The following NKAIN2 variants were observed in gnomAD, a reference collection of about 807,000 sequenced individuals.
NKAIN2 encodes the protein sodium/potassium-transporting ATPase subunit beta-1-interacting protein 2.
NKAIN2 carries 14 observed loss-of-function variants against 32.6 expected under a neutral mutation model. That is an observed-to-expected ratio of 0.43 (90% confidence interval 0.28 to 0.67). The LOEUF (loss-of-function observed/expected upper bound fraction) is 0.67, where lower values mean the gene tolerates loss of function less well. NKAIN2 is among the 30% of genes least tolerant of loss of function. The pLI is 0.17. For synonymous variants in NKAIN2, 80 were observed against 87.2 expected (o/e 0.92, Z 0.46); for missense variants, 198 against 258.3 (o/e 0.77, Z 1.60).
intron 3 of NKAIN2, among the ~76,000 whole-genome samples, chr6:124,487,062 A>T (rs1255888636): frequency 6.6e-6 from 1 of 152,140 alleles, no homozygotes; most frequent in Non-Finnish European, 1.5e-5. Flanking sequence ...GAAGTTAAGG[A>T]TGTTAAATTA....
intron 1 of NKAIN2, among the ~76,000 whole-genome samples, chr6:124,110,290 T>C (rs1785321062): frequency 6.6e-6 from 1 of 152,070 alleles, no homozygotes; most frequent in South Asian, 2.1e-4. Flanking sequence ...TCTGATCATT[T>C]CAAAAGACAC....
intron 1 of NKAIN2, among the ~76,000 whole-genome samples, chr6:123,982,534 C>T (rs1489225687): frequency 2.0e-5 from 3 of 151,976 alleles, no homozygotes; most frequent in Non-Finnish European, 2.9e-5. Flanking sequence ...GATTTTAGTG[C>T]ATATGAGAGT....
At chr6:124,772,319 A>G (rs1778792665) in intron 4 of NKAIN2, among the ~76,000 whole-genome samples, 1 of 152,208 alleles carries the variant, frequency 6.6e-6, no homozygotes, top group Admixed American at 6.5e-5. Context: ...GGATAATCCA[A>G]TGGAATAGTC....
At chr6:124,577,047 A>G (rs746180759) in intron 3 of NKAIN2, among the ~76,000 whole-genome samples, 1 of 152,232 alleles carries the variant, frequency 6.6e-6, no homozygotes, top group Non-Finnish European at 1.5e-5. Context: ...TTCAAATTAT[A>G]TACCTGATAA....
intron 1 of NKAIN2, among the ~76,000 whole-genome samples, chr6:124,085,202 T>A (rs1784139973): frequency 6.6e-6 from 1 of 152,076 alleles, no homozygotes; most frequent in Non-Finnish European, 1.5e-5. Context: ...AATTCACATT[T>A]ATGTGGCAAT....
chr6:124,284,158 A>T (rs922796933), intron 2 of NKAIN2, among the ~76,000 whole-genome samples: 2 of 152,212 alleles, frequency 1.3e-5, no homozygotes, highest in African/African-American at 4.8e-5. Context: ...AGTGCATGTC[A>T]CTGCAGAGGC....
chr6:123,922,391 A>G (rs1775796831), intron 1 of NKAIN2, among the ~76,000 whole-genome samples: 1 of 152,212 alleles, frequency 6.6e-6, no homozygotes, highest in South Asian at 2.1e-4. Context: ...TGTTTTACAT[A>G]TGAAAATTCT....
chr6:124,290,323 T>A (rs1469313476), intron 2 of NKAIN2, among the ~76,000 whole-genome samples: 1 of 152,172 alleles, frequency 6.6e-6, no homozygotes, highest in Non-Finnish European at 1.5e-5. Flanking sequence ...TGAAAATGAA[T>A]TTTGAAGAAA....
chr6:124,465,102 T>C (rs1776692199), intron 3 of NKAIN2, among the ~76,000 whole-genome samples: 1 of 152,100 alleles, frequency 6.6e-6, no homozygotes, highest in African/African-American at 2.4e-5. Flanking sequence ...TAAACAGAAA[T>C]ACCATTTGAC....
At chr6:124,003,643 G>A (rs1341985735) in intron 1 of NKAIN2, among the ~76,000 whole-genome samples, 1 of 152,172 alleles carries the variant, frequency 6.6e-6, no homozygotes, top group African/African-American at 2.4e-5. Context: ...GTGAGTGGGA[G>A]TGACCTAAAA....
chr6:124,211,582 A>G (rs1351761774), intron 1 of NKAIN2, among the ~76,000 whole-genome samples: 1 of 151,964 alleles, frequency 6.6e-6, no homozygotes, highest in Non-Finnish European at 1.5e-5. Flanking sequence ...GAAATGTCTA[A>G]GAGTTCTTTG....
chr6:124,072,571 G>A (rs959618466), intron 1 of NKAIN2, among the ~76,000 whole-genome samples: 8 of 152,066 alleles, frequency 5.3e-5, no homozygotes, highest in Non-Finnish European at 8.8e-5. Context: ...TTCCTTCCAA[G>A]CGACACAAAC....
intron 1 of NKAIN2, among the ~76,000 whole-genome samples, chr6:123,817,989 A>C (rs147868323): frequency 4.3e-4 from 66 of 152,292 alleles, no homozygotes; most frequent in Middle Eastern, 3.4e-3. Flanking sequence ...AGTTTGAGCC[A>C]GGTGGATTTT....
chr6:123,870,829 A>G (rs910087315), intron 1 of NKAIN2, among the ~76,000 whole-genome samples: 1 of 152,134 alleles, frequency 6.6e-6, no homozygotes, highest in South Asian at 2.1e-4. Flanking sequence ...TAGGAGAAAA[A>G]TTGCTCAAGC....
chr6:124,440,585 A>G (rs964467220), intron 3 of NKAIN2, among the ~76,000 whole-genome samples: 35 of 152,048 alleles, frequency 2.3e-4, no homozygotes, highest in Non-Finnish European at 4.7e-4. Flanking sequence ...GTACCAAGAA[A>G]TGTCCAAGTG....
At chr6:124,308,262 T>C (rs1272929590) in intron 2 of NKAIN2, among the ~76,000 whole-genome samples, 4 of 152,086 alleles carry the variant, frequency 2.6e-5, no homozygotes, top group Non-Finnish European at 5.9e-5. Flanking sequence ...TGTTCCTGTG[T>C]TGGTTTGCTG....
At chr6:124,457,909 C>T (rs1002709266) in intron 3 of NKAIN2, among the ~76,000 whole-genome samples, 2 of 151,904 alleles carry the variant, frequency 1.3e-5, no homozygotes, top group Non-Finnish European at 2.9e-5. Flanking sequence ...GAATCAACTA[C>T]TCAGTAACCT....
chr6:124,000,160 A>C (rs1489389971), intron 1 of NKAIN2, among the ~76,000 whole-genome samples: 1 of 152,080 alleles, frequency 6.6e-6, no homozygotes, highest in Admixed American at 6.5e-5. Flanking sequence ...CAAAGTGGCA[A>C]CTGATGGTTT....
Position 124,642,805 on chromosome 6 carries a change from A to G in NKAIN2, c.274-15381A>G, listed in dbSNP as rs79142926. Among the ~76,000 whole-genome samples, 478 of 152,252 alleles carry G rather than the reference A, an allele frequency of 3.1e-3. 2 individuals are homozygous for G. The highest frequency in any genetic ancestry group is 0.011 in the African/African-American group (456 of 41,544). On this transcript the variant is annotated intron_variant, in intron 3 of 6. Transcript: ENST00000368417. ...GTTAAAATTTGCTTTTTTCCCTTAA[A>G]TGTACTTGCTTGGCATTCCTCTAAT...
Sources: allele counts gnomAD v4.1 joint callset (sites outside exome capture counted in the v4.1 genomes callset), GRCh38; gene constraint gnomAD v4.1.1; transcripts MANE v1.5; gene names NCBI Gene and HGNC (gene_info 2026-07-23, HGNC 2026-07-21).